PCDHA2: variants seen among roughly 807,000 people sequenced by gnomAD.
The protein encoded by PCDHA2 is protocadherin alpha 2, also known as protocadherin alpha-2.
Under a neutral mutation model 66.0 loss-of-function variants are expected in PCDHA2, and 58 were observed. That is an observed-to-expected ratio of 0.88 (90% confidence interval 0.71 to 1.09). The LOEUF (loss-of-function observed/expected upper bound fraction) is 1.09, where lower values mean the gene tolerates loss of function less well. Among genes scored for constraint, PCDHA2 ranks in the 50% least tolerant of loss-of-function variants. The pLI is 0.00. For missense variants in PCDHA2, 1,267 were observed against 1,242.3 expected, an observed-to-expected ratio of 1.02 and a Z score of -0.30; for synonymous variants, 634 against 554.0, an observed-to-expected ratio of 1.14 and a Z score of -2.03.
chr5:140,928,876 C>T (rs1554206456), intron 1 of PCDHA2: 1 of 1,614,194 alleles, frequency 6.2e-7, no homozygotes, highest in Non-Finnish European at 8.5e-7. Context: ...CTCTGTCCCT[C>T]AGTTACTTCC....
chr5:140,818,377 G>C (rs2150101074), intron 1 of PCDHA2, among the ~76,000 whole-genome samples: 27 of 152,086 alleles, frequency 1.8e-4, no homozygotes, highest in Non-Finnish European at 3.4e-4. Context: ...AACTTGAATC[G>C]TGGCATTTTT....
In PCDHA2 at chr5:140,844,489, A is replaced by G. The variant is rs914075659; in HGVS notation, c.2388+47137A>G. The stretch of plus-strand genomic sequence containing the variant: ...TTTTTTGAGCCTCTATGTTTAGGAA[A>G]TGATTACTTTATTCTTGCAAGTATC... On this transcript the variant is annotated intron_variant, in intron 1 of 3. Coordinates refer to ENST00000526136, the MANE Select transcript of PCDHA2 (RefSeq NM_018905.3). Among the ~76,000 whole-genome samples, 7 of 149,414 alleles carry G rather than the reference A, an allele frequency of 4.7e-5. No individual in the cohort carries two copies. In the South Asian group the frequency reaches 1.5e-3, roughly 32 times the overall value.
chr5:140,876,792 A>C, intron 1 of PCDHA2: 1 of 1,614,116 alleles, frequency 6.2e-7, no homozygotes, highest in East Asian at 2.2e-5. Flanking sequence ...CCACGGCTAG[A>C]GTGTCCGTGG....
intron 1 of PCDHA2, among the ~76,000 whole-genome samples, chr5:140,953,639 AG>A (rs1227582024): frequency 6.6e-6 from 1 of 152,152 alleles, no homozygotes; most frequent in African/African-American, 2.4e-5. Context: ...TATTTTGGCC[AG>A]GAGCTATAGT....
intron 1 of PCDHA2, among the ~76,000 whole-genome samples, chr5:140,923,186 C>T (rs559668347): frequency 2.0e-5 from 3 of 152,206 alleles, no homozygotes; most frequent in African/African-American, 7.2e-5. Context: ...GATGCATCTA[C>T]TGCAGCAATT....
chr5:140,803,024 T>G, intron 1 of PCDHA2: 2 of 1,614,026 alleles, frequency 1.2e-6, no homozygotes, highest in East Asian at 2.2e-5. Flanking sequence ...GGCTTTCGTA[T>G]GAGCTGCAGC....
chr5:140,928,313 T>TG (rs1554205740), intron 1 of PCDHA2: 1 of 1,614,172 alleles, frequency 6.2e-7, no homozygotes, highest in Non-Finnish European at 8.5e-7. Flanking sequence ...GACCCCGACC[T>TG]GGGGAAGAAT....
At position 140,857,548 on chromosome 5, in the gene PCDHA2, G is replaced by A. The variant is rs782667639; in HGVS notation, c.2388+60196G>A. On this transcript the variant is annotated intron_variant, in intron 1 of 3. Transcript: ENST00000526136. ...CTCTGGTGGAGCGGCGGTTGGGCGA[G>A]CGCTCGCTGTCGAGCTACGTGTCGG... The A allele has an allele frequency of 5.6e-6, 9 of 1,596,888 alleles. No individual in the cohort carries two copies. In the East Asian group the frequency reaches 1.8e-4, roughly 32 times the overall value.
rs138893413 is a variant in PCDHA2, at chr5:140,976,899, T to C, written c.2389-2050T>C. Among the ~76,000 whole-genome samples, 191 of 152,340 alleles carry C rather than the reference T, an allele frequency of 1.3e-3. 1 individual carries two copies. The highest frequency in any genetic ancestry group is 4.3e-3 in the African/African-American group (179 of 41,576). ...AAGAATTAGGATACATGCAACAGTA[T>C]GTAATAAAGTGCAAAATCTAGTACT... On this transcript the variant is annotated intron_variant, in intron 1 of 3. Transcript: ENST00000526136.
intron 1 of PCDHA2, among the ~76,000 whole-genome samples, chr5:140,952,925 G>T (rs144855694): frequency 8.2e-4 from 125 of 152,200 alleles, no homozygotes; most frequent in African/African-American, 2.8e-3. Flanking sequence ...GGCATGAGCA[G>T]GAGCAGGAGC....
intron 1 of PCDHA2, among the ~76,000 whole-genome samples, chr5:140,838,466 C>T (rs1775745526): frequency 6.6e-6 from 1 of 151,588 alleles, no homozygotes; most frequent in South Asian, 2.1e-4. Context: ...TTCATTAGCG[C>T]TTATTCCTTG....
At chr5:140,809,058 TG>T in intron 1 of PCDHA2, 7 of 1,613,856 alleles carry the variant, frequency 4.3e-6, no homozygotes, top group Non-Finnish European at 5.9e-6. Context: ...CCGTTCCGCG[TG>T]GGGCTGTACA....
chr5:140,951,149 T>C (rs911841540), intron 1 of PCDHA2, among the ~76,000 whole-genome samples: 8 of 100,620 alleles, frequency 8.0e-5, no homozygotes, highest in African/African-American at 3.8e-4. Context: ...TCTTATTGAA[T>C]ATAGTTATAG....
At chr5:140,877,304 T>C in intron 1 of PCDHA2, 3 of 1,613,926 alleles carry the variant, frequency 1.9e-6, no homozygotes, top group Non-Finnish European at 2.5e-6. Context: ...TCCTACGAGT[T>C]GCAACCGGCG....
chr5:140,825,846 T>C (rs1768735970), intron 1 of PCDHA2: 1 of 152,436 alleles, frequency 6.6e-6, no homozygotes, highest in Non-Finnish European at 1.5e-5. Flanking sequence ...TATACCATGA[T>C]ACAAACTCCC....
chr5:140,846,741 C>G (rs1466625417), intron 1 of PCDHA2, among the ~76,000 whole-genome samples: 1 of 149,290 alleles, frequency 6.7e-6, no homozygotes, highest in African/African-American at 2.5e-5. Flanking sequence ...AAATAGGACC[C>G]TTACAGATCT....
intron 1 of PCDHA2, chr5:140,860,447 A>T (rs1242809569): frequency 6.6e-6 from 1 of 152,198 alleles, no homozygotes; most frequent in East Asian, 1.9e-4. Context: ...TTTCATATTA[A>T]TTCACGTGAT....
chr5:140,803,139 C>T, intron 1 of PCDHA2: 1 of 1,613,886 alleles, frequency 6.2e-7, no homozygotes. Flanking sequence ...CCATCGCCTA[C>T]TGGTGCTGGT....
intron 1 of PCDHA2, among the ~76,000 whole-genome samples, chr5:140,832,146 T>C (rs1554133466): frequency 6.6e-6 from 1 of 152,254 alleles, no homozygotes; most frequent in African/African-American, 2.4e-5. Flanking sequence ...AAAATTGAAT[T>C]AAGACTTGGA....
Sources: gnomAD v4.1 joint callset for allele counts (sites outside exome capture counted in the v4.1 genomes callset) on GRCh38, gnomAD v4.1.1 for gene constraint, MANE v1.5 for transcripts, NCBI Gene and HGNC (gene_info 2026-07-23, HGNC 2026-07-21) for gene names.